The following LOC128092252 variants were observed in gnomAD, a reference collection of about 807,000 sequenced individuals.
the LOC128092252 span, among the ~76,000 whole-genome samples, chr15:50,679,517 T>C: frequency 2.7e-5 from 1 of 36,488 alleles, no homozygotes; most frequent in South Asian, 1.1e-3. Flanking sequence ...ATATAATATA[T>C]ATATATATAT....
chr15:50,664,704 C>T, the LOC128092252 span, among the ~76,000 whole-genome samples: 5 of 152,156 alleles, frequency 3.3e-5, no homozygotes, highest in Admixed American at 2.6e-4. Context: ...TGGTGGCTCA[C>T]GCCTGTAACC....
the LOC128092252 span, among the ~76,000 whole-genome samples, chr15:50,652,610 A>G: frequency 6.6e-6 from 1 of 151,104 alleles, no homozygotes; most frequent in Non-Finnish European, 1.5e-5. Flanking sequence ...TTCATCAAAC[A>G]TTTAGGAGGA....
the LOC128092252 span, among the ~76,000 whole-genome samples, chr15:50,675,197 G>C: frequency 6.6e-6 from 1 of 152,086 alleles, no homozygotes; most frequent in Non-Finnish European, 1.5e-5. Context: ...ATAAAAATTA[G>C]CTGGGCATGG....
At chr15:50,679,483 T>TA in the LOC128092252 span, among the ~76,000 whole-genome samples, 1 of 140,742 alleles carries the variant, frequency 7.1e-6, no homozygotes, top group Non-Finnish European at 1.5e-5. Context: ...TTTATATATA[T>TA]ATATATTATA....
chr15:50,679,373 A>G, the LOC128092252 span, among the ~76,000 whole-genome samples: 4 of 149,610 alleles, frequency 2.7e-5, no homozygotes, highest in East Asian at 7.7e-4. Flanking sequence ...TTGGACGTTC[A>G]CACTGCGAGT....
At chr15:50,666,225 C>A in the LOC128092252 span, among the ~76,000 whole-genome samples, 1 of 152,036 alleles carries the variant, frequency 6.6e-6, no homozygotes, top group Admixed American at 6.6e-5. Context: ...TCACTTGAGT[C>A]CAGGAGTTTG....
the LOC128092252 span, among the ~76,000 whole-genome samples, chr15:50,676,563 AT>A: frequency 1.2e-4 from 18 of 150,410 alleles, no homozygotes; most frequent in African/African-American, 3.7e-4. Flanking sequence ...TATCGTTTAA[AT>A]TTTTTTTTTA....
chr15:50,663,090 T>A, the LOC128092252 span: 1 of 1,423,576 alleles, frequency 7.0e-7, no homozygotes, highest in Non-Finnish European at 9.8e-7. Flanking sequence ...GTTAACCCAC[T>A]AAATAAGAAG....
the LOC128092252 span, among the ~76,000 whole-genome samples, chr15:50,656,649 GTTT>G: frequency 1.3e-5 from 2 of 151,632 alleles, no homozygotes; most frequent in African/African-American, 4.8e-5. Context: ...CAGGTTTTTT[GTTT>G]TTGTTTTTAC....
the LOC128092252 span, among the ~76,000 whole-genome samples, chr15:50,669,279 CA>C: frequency 6.7e-6 from 1 of 148,512 alleles, no homozygotes; most frequent in Non-Finnish European, 1.5e-5. Flanking sequence ...ACTAAAAATA[CA>C]AAAAATTAGC....
At chr15:50,681,635 G>A in the LOC128092252 span, among the ~76,000 whole-genome samples, 1 of 152,150 alleles carries the variant, frequency 6.6e-6, no homozygotes. Context: ...AGTGAACTCT[G>A]TCTCAGGGTT....
chr15:50,656,660 TAC>T, the LOC128092252 span, among the ~76,000 whole-genome samples: 1 of 152,122 alleles, frequency 6.6e-6, no homozygotes, highest in Non-Finnish European at 1.5e-5. Flanking sequence ...TTTTTGTTTT[TAC>T]AGACTTCCTT....
the LOC128092252 span, among the ~76,000 whole-genome samples, chr15:50,671,312 T>C: frequency 2.0e-5 from 3 of 152,174 alleles, no homozygotes; most frequent in South Asian, 4.1e-4. Flanking sequence ...ATGTAGTATC[T>C]TGTCTTTCTG....
At chr15:50,678,257 A>AG in the LOC128092252 span, among the ~76,000 whole-genome samples, 2 of 133,394 alleles carry the variant, frequency 1.5e-5, 1 homozygote, top group South Asian at 4.7e-4. Context: ...AAAAACAAAA[A>AG]CAAAAACAAA....
At chr15:50,657,237 T>C in the LOC128092252 span, among the ~76,000 whole-genome samples, 4 of 152,086 alleles carry the variant, frequency 2.6e-5, no homozygotes, top group Admixed American at 1.3e-4. Context: ...GGCAGGAGAA[T>C]TGCTTGAACC....
the LOC128092252 span, among the ~76,000 whole-genome samples, chr15:50,682,184 AAAAAAAAG>A: frequency 4.7e-5 from 7 of 148,314 alleles, no homozygotes; most frequent in Admixed American, 4.1e-4. Flanking sequence ...AAAAAAAAAA[AAAAAAAAG>A]GACTGTGACC....
At chr15:50,682,003 C>T in the LOC128092252 span, among the ~76,000 whole-genome samples, 4 of 151,900 alleles carry the variant, frequency 2.6e-5, no homozygotes, top group South Asian at 6.2e-4. Context: ...CATGGGGAAA[C>T]CCTGTCTCTA....
At chr15:50,657,028 C>CA in the LOC128092252 span, among the ~76,000 whole-genome samples, 1 of 152,030 alleles carries the variant, frequency 6.6e-6, no homozygotes, top group Non-Finnish European at 1.5e-5. Flanking sequence ...ACTGCTCTTA[C>CA]AAAAAATAAA....
At chr15:50,672,336 G>A in the LOC128092252 span, among the ~76,000 whole-genome samples, 3 of 151,760 alleles carry the variant, frequency 2.0e-5, no homozygotes, top group African/African-American at 4.8e-5. Flanking sequence ...GATTACAGGC[G>A]TGAGCCACCT....
Sources: allele counts gnomAD v4.1 joint callset (sites outside exome capture counted in the v4.1 genomes callset), GRCh38; gene constraint gnomAD v4.1.1; transcripts MANE v1.5.